The following DIRAS2 variants were observed in gnomAD, a reference collection of about 807,000 sequenced individuals.
The protein encoded by DIRAS2 is DIRAS family GTPase 2, also known as GTP-binding protein Di-Ras2.
In DIRAS2, 5 loss-of-function variants were observed where a neutral mutation model predicts 13.9. The observed-to-expected ratio is 0.36, with a 90% CI of 0.19 to 0.76. DIRAS2 has a LOEUF of 0.76. DIRAS2 is among the 30% of genes least tolerant of loss of function. The pLI is 0.53. For missense variants in DIRAS2, 191 were observed against 263.0 expected (o/e 0.73, Z 1.89); for synonymous variants, 111 against 105.4 (o/e 1.05, Z -0.33).
At chr9:90,639,830 G>A (rs1321650569) in intron 1 of DIRAS2, among the ~76,000 whole-genome samples, 1 of 152,196 alleles carries the variant, frequency 6.6e-6, no homozygotes, top group Non-Finnish European at 1.5e-5. Flanking sequence ...GAAAGAGAAG[G>A]ACACATAACT....
In DIRAS2 at chr9:90,611,455, T is replaced by C. The variant is rs990234871; in HGVS notation, c.*1773A>G. 6.6e-6 allele frequency: 1 copy of C among 152,350 alleles called. No homozygotes were observed. The highest frequency in any genetic ancestry group is 6.5e-5 in the Admixed American group (1 of 15,284). The allele number at this position is 152,350 out of a possible 1,614,324, so 9.4% of individuals were successfully genotyped here. ...CTAAACACATCCCAAGGGTGAGTTA[T>C]TGGGAGACCAGAGAGGATGAGATCA... On this transcript the variant is annotated 3_prime_UTR_variant, in exon 2 of 2. Coordinates refer to ENST00000375765, the MANE Select transcript of DIRAS2 (RefSeq NM_017594.5).
chr9:90,633,174 TG>T (rs1222011805), intron 1 of DIRAS2, among the ~76,000 whole-genome samples: 4 of 152,182 alleles, frequency 2.6e-5, no homozygotes, highest in African/African-American at 9.7e-5. Flanking sequence ...GAAGGGGCCC[TG>T]GCTTCCCTGT....
rs918842919 is a variant in DIRAS2 at position 90,610,312 on chromosome 9, A to C, written c.*2916T>G. 1.3e-4 allele frequency: 50 copies of C among 398,164 alleles called. No individual in the cohort carries two copies. The highest frequency in any genetic ancestry group is 1.8e-4 in the Non-Finnish European group (40 of 225,874). 24.7% of individuals were successfully genotyped at this position (398,164 alleles called of 1,614,324 possible). Reference sequence around the variant, plus strand: ...ACAATTTATGACTTTATACTTCAAAAATGCAGGAAGATAAATTATATATTT... The same window carrying C: ...ACAATTTATGACTTTATACTTCAAACATGCAGGAAGATAAATTATATATTT... On this transcript the variant is annotated 3_prime_UTR_variant, in exon 2 of 2. Coordinates refer to ENST00000375765, the MANE Select transcript of DIRAS2 (RefSeq NM_017594.5).
rs1825135963 is a variant in DIRAS2 at position 90,613,443 on chromosome 9, G to A, written c.385C>T (p.Arg129Cys). ...VGNKCDESPSREVQSSEAEAL... is the reference protein window; with the variant it reads ...VGNKCDESPSCEVQSSEAEAL... ...TCCGCCTCGCTGCTCTGCACCTCGC[G>A]GCTGGGGCTCTCATCACACTTGTTC... The change falls in exon 2 of 2, where the codon CGC becomes TGC. Residue 129 changes from arginine to cysteine, a missense_variant. Transcript: ENST00000375765. The surrounding 1 kb of genome is among the most constrained non-coding windows in gnomAD (Gnocchi z 5.6). The A allele has an allele frequency of 2.5e-6, 4 of 1,613,910 alleles. No homozygotes were observed. The highest frequency in any genetic ancestry group is 3.4e-6 in the Non-Finnish European group (4 of 1,180,030).
At chr9:90,623,475 TA>T (rs11428765) in intron 1 of DIRAS2, among the ~76,000 whole-genome samples, 5 of 151,026 alleles carry the variant, frequency 3.3e-5, no homozygotes, top group Admixed American at 2.0e-4. Context: ...ATTAAGAAAA[TA>T]AAAAAAAATC....
intron 1 of DIRAS2, among the ~76,000 whole-genome samples, chr9:90,633,698 C>A (rs1335410691): frequency 6.6e-6 from 1 of 152,204 alleles, no homozygotes; most frequent in African/African-American, 2.4e-5. Context: ...AGCAGTGGAT[C>A]TGCTTTTGTG....
At chr9:90,627,658 C>T (rs367771431) in intron 1 of DIRAS2, among the ~76,000 whole-genome samples, 22 of 152,046 alleles carry the variant, frequency 1.4e-4, no homozygotes, top group African/African-American at 5.3e-4. Context: ...TAATTACATG[C>T]TTGAAAATGA....
chr9:90,635,505 T>G (rs2118582747), intron 1 of DIRAS2, among the ~76,000 whole-genome samples: 1 of 152,336 alleles, frequency 6.6e-6, no homozygotes, highest in South Asian at 2.1e-4. Flanking sequence ...TTCTGACACA[T>G]CAGAAATGCT....
intron 1 of DIRAS2, among the ~76,000 whole-genome samples, chr9:90,633,116 G>C (rs1414648928): frequency 2.0e-5 from 3 of 152,144 alleles, no homozygotes; most frequent in Non-Finnish European, 4.4e-5. Context: ...TGGAAAAGAG[G>C]CCATGCTGAC....
At chr9:90,624,371 G>C (rs1825248462) in intron 1 of DIRAS2, among the ~76,000 whole-genome samples, 1 of 152,122 alleles carries the variant, frequency 6.6e-6, no homozygotes, top group Admixed American at 6.5e-5. Flanking sequence ...ACTTTATCCA[G>C]AAAAGCAGAA....
At chr9:90,641,783 T>C (rs1825421410) in intron 1 of DIRAS2, among the ~76,000 whole-genome samples, 1 of 152,188 alleles carries the variant, frequency 6.6e-6, no homozygotes, top group South Asian at 2.1e-4. Context: ...AATAATATTT[T>C]TGAAAATTTT....
Position 90,613,119 on chromosome 9 carries a change from C to T in DIRAS2, c.*109G>A. On this transcript the variant is annotated 3_prime_UTR_variant, in exon 2 of 2. Transcript: ENST00000375765. The surrounding 1 kb of genome is among the most constrained non-coding windows in gnomAD (Gnocchi z 5.6). The stretch of plus-strand genomic sequence containing the variant: ...CAATAGGACGCATCTCGATTAAATG[C>T]AATGTTTAACACGTGGGCATTATAC... 6.9e-7 allele frequency: 1 copy of T among 1,455,536 alleles called. No homozygotes were observed. Among genetic ancestry groups the T allele is most frequent in the Non-Finnish European group, 9.2e-7 (1 of 1,081,156 alleles). The allele number at this position is 1,455,536 out of a possible 1,614,324, so 90.2% of individuals were successfully genotyped here.
At chr9:90,626,498 A>G (rs1055841781) in intron 1 of DIRAS2, among the ~76,000 whole-genome samples, 1 of 152,106 alleles carries the variant, frequency 6.6e-6, no homozygotes, top group Non-Finnish European at 1.5e-5. Flanking sequence ...TAGAATACAT[A>G]CAAATGGCCA....
chr9:90,621,510 A>G (rs1215690944), intron 1 of DIRAS2, among the ~76,000 whole-genome samples: 1 of 152,202 alleles, frequency 6.6e-6, no homozygotes, highest in African/African-American at 2.4e-5. Flanking sequence ...AGAAAGCCTG[A>G]CTGCATTTTA....
At chr9:90,620,953 A>T (rs1825214612) in intron 1 of DIRAS2, among the ~76,000 whole-genome samples, 1 of 152,206 alleles carries the variant, frequency 6.6e-6, no homozygotes, top group South Asian at 2.1e-4. Context: ...TGAAAATAAA[A>T]TTTCAAATTT....
At chr9:90,640,779 AC>A (rs1825412182) in intron 1 of DIRAS2, among the ~76,000 whole-genome samples, 1 of 152,180 alleles carries the variant, frequency 6.6e-6, no homozygotes, top group Admixed American at 6.5e-5. Context: ...CAACCACTCC[AC>A]CCCAGACAAC....
chr9:90,616,918 A>C (rs1825175530), intron 1 of DIRAS2, among the ~76,000 whole-genome samples: 2 of 152,162 alleles, frequency 1.3e-5, no homozygotes, highest in African/African-American at 4.8e-5. Flanking sequence ...CCCACTTCGC[A>C]GATGCTGTGA....
Position 90,610,681 on chromosome 9 carries a change from G to A in DIRAS2, c.*2547C>T. 2.8e-6 allele frequency: 1 copy of A among 357,614 alleles called. No homozygotes were observed. The highest frequency in any genetic ancestry group is 4.1e-5 in the East Asian group (1 of 24,654). 22.2% of individuals were successfully genotyped at this position (357,614 alleles called of 1,614,324 possible). On this transcript the variant is annotated 3_prime_UTR_variant, in exon 2 of 2. Coordinates refer to ENST00000375765, the MANE Select transcript of DIRAS2 (RefSeq NM_017594.5). Reference sequence around the variant, plus strand: ...CTCCTCAAACTCTGAGTCAATTGGGGATCTCCTAAAAGACGATTTTGAGAT... The same window carrying A: ...CTCCTCAAACTCTGAGTCAATTGGGAATCTCCTAAAAGACGATTTTGAGAT...
chr9:90,617,416 G>C (rs1181812859), intron 1 of DIRAS2, among the ~76,000 whole-genome samples: 1 of 152,186 alleles, frequency 6.6e-6, no homozygotes, highest in Non-Finnish European at 1.5e-5. Context: ...TCCAGGGAGA[G>C]AGCATGTAGA....
Sources: gnomAD v4.1 joint callset for allele counts (sites outside exome capture counted in the v4.1 genomes callset) on GRCh38, gnomAD v4.1.1 for gene constraint, Gnocchi (gnomAD v3.1) non-coding constraint, MANE v1.5 for transcripts, NCBI Gene and HGNC (gene_info 2026-07-23, HGNC 2026-07-21) for gene names.